PLCH1: variants seen among roughly 807,000 people sequenced by gnomAD.
The protein encoded by PLCH1 is phospholipase C eta 1.
A neutral mutation model predicts 126.7 loss-of-function variants in PLCH1; 60 were observed. That is an observed-to-expected ratio of 0.47 (90% CI 0.38 to 0.59). The LOEUF (loss-of-function observed/expected upper bound fraction) is 0.59. PLCH1 is among the 20% of genes least tolerant of loss of function. The pLI, the probability that PLCH1 is intolerant of heterozygous loss-of-function variation, is 0.00. For missense variants in PLCH1, 1,723 were observed against 2,040.0 expected, an observed-to-expected ratio of 0.84 and a Z score of 2.99; for synonymous variants, 719 against 734.9, an observed-to-expected ratio of 0.98 and a Z score of 0.35.
At chr3:155,735,060 T>C (rs531597324) in intron 1 of PLCH1, among the ~76,000 whole-genome samples, 1 of 152,234 alleles carries the variant, frequency 6.6e-6, no homozygotes, top group South Asian at 2.1e-4. Context: ...ATCCTATCAT[T>C]TGCAACATGG....
chr3:155,727,391 CTTT>C (rs55862258), intron 1 of PLCH1, among the ~76,000 whole-genome samples: 107 of 141,642 alleles, frequency 7.6e-4, no homozygotes, highest in African/African-American at 2.7e-3. Context: ...GTACGAAATC[CTTT>C]TTTTTTTTTT....
At chr3:155,524,243 T>C (rs1721608205) in intron 10 of PLCH1, among the ~76,000 whole-genome samples, 1 of 152,224 alleles carries the variant, frequency 6.6e-6, no homozygotes, top group Non-Finnish European at 1.5e-5. Flanking sequence ...TATTGTATGA[T>C]TCCATTTATA....
intron 2 of PLCH1, chr3:155,658,034 T>C (rs944811485): frequency 7.3e-5 from 15 of 204,224 alleles, no homozygotes; most frequent in Non-Finnish European, 1.2e-4. Context: ...AAGGAAAAGG[T>C]TCATGCAACT....
intron 12 of PLCH1, among the ~76,000 whole-genome samples, chr3:155,512,015 G>A (rs1172658676): frequency 6.6e-6 from 1 of 151,428 alleles, no homozygotes; most frequent in African/African-American, 2.4e-5. Flanking sequence ...TTCCGTGGGC[G>A]TAGGACCCTC....
intron 2 of PLCH1, among the ~76,000 whole-genome samples, chr3:155,669,336 T>C (rs1156499417): frequency 6.6e-6 from 1 of 152,150 alleles, no homozygotes; most frequent in African/African-American, 2.4e-5. Context: ...CCCAGCATTC[T>C]GGGAGGCTAA....
chr3:155,633,838 T>A (rs956379783), intron 2 of PLCH1, among the ~76,000 whole-genome samples: 1 of 152,154 alleles, frequency 6.6e-6, no homozygotes, highest in African/African-American at 2.4e-5. Context: ...GAGAACCACT[T>A]GAAGCCAGTA....
intron 1 of PLCH1, among the ~76,000 whole-genome samples, chr3:155,730,772 C>T (rs1748711664): frequency 6.6e-6 from 1 of 152,190 alleles, no homozygotes; most frequent in South Asian, 2.1e-4. Flanking sequence ...TAAGAAACCA[C>T]ATTGAAAAGG....
intron 2 of PLCH1, among the ~76,000 whole-genome samples, chr3:155,607,280 G>C (rs1734484224): frequency 6.6e-6 from 1 of 152,040 alleles, no homozygotes; most frequent in Non-Finnish European, 1.5e-5. Flanking sequence ...CTGTTTGTCT[G>C]TGTATTTATA....
At position 155,735,509 on chromosome 3, in the gene PLCH1, C is replaced by T. The variant is rs565220880; in HGVS notation, c.-41+9331G>A. Reference sequence around the variant, plus strand: ...ATTAGCCGGGCGTGGTGGCAGGCACCTGTAATCCCAGCTACTTGGGAGGCT... The same window carrying T: ...ATTAGCCGGGCGTGGTGGCAGGCACTTGTAATCCCAGCTACTTGGGAGGCT... On this transcript the variant is annotated intron_variant, in intron 1 of 22. Transcript: ENST00000460012. Among the ~76,000 whole-genome samples the T allele has an allele frequency of 1.8e-3, 274 of 151,994 alleles. 1 individual carries two copies. The highest frequency in any genetic ancestry group is 6.4e-3 in the African/African-American group (266 of 41,468).
In PLCH1 at chr3:155,744,937, T is replaced by A. The variant is rs145647432; in HGVS notation, c.-138A>T. On this transcript the variant is annotated 5_prime_UTR_variant, in exon 1 of 23. Coordinates refer to ENST00000460012, the MANE Select transcript of PLCH1 (RefSeq NM_014996.4). ...GCTGGGGTGATGAGTTATTGGCCCC[T>A]GTGACTCCAACTCCAAACCCCTGCC... The A allele has an allele frequency of 3.3e-5, 5 of 152,544 alleles. No individual in the cohort carries two copies. The highest frequency in any genetic ancestry group is 9.6e-5 in the African/African-American group (4 of 41,556). The allele number at this position is 152,544 out of a possible 1,614,324, so 9.4% of individuals were successfully genotyped here.
chr3:155,551,099 C>T lies in PLCH1; in HGVS notation c.1191-1141G>A, dbSNP rs945829840. On this transcript the variant is annotated intron_variant, in intron 9 of 22. Coordinates refer to ENST00000460012, the MANE Select transcript of PLCH1 (RefSeq NM_014996.4). Reference sequence around the variant, plus strand: ...TGACAACCCTGAGTTGTCCTGCAGTCACATCAGGGAGTTTTAACAAGGAAT... The same window carrying T: ...TGACAACCCTGAGTTGTCCTGCAGTTACATCAGGGAGTTTTAACAAGGAAT... Among the ~76,000 whole-genome samples the T allele has an allele frequency of 2.0e-5, 3 of 152,292 alleles. No individual in the cohort carries two copies. The East Asian group carries it at 5.8e-4, about 29-fold the overall frequency.
intron 4 of PLCH1, 121 bp from the exon 5 acceptor site, chr3:155,586,315 GC>G (rs1731365914): frequency 1.1e-6 from 1 of 926,750 alleles, no homozygotes; most frequent in African/African-American, 1.7e-5. Context: ...ATTTTGAGGA[GC>G]CCCTGCAATC....
rs746804352 is a variant in PLCH1 at position 155,500,718 on chromosome 3, C to G, written c.1781G>C (p.Gly594Ala). The change falls in exon 14 of 23, where the codon GGT becomes GCT. Residue 594 changes from glycine to alanine, a missense_variant. Gly to Ala is a moderately conservative substitution (Grantham distance 60). Around this residue, in one of 2 missense-constraint regions of PLCH1, gnomAD observed 776 missense variants for 1,062.9 expected, o/e 0.73. Coordinates refer to ENST00000460012, the MANE Select transcript of PLCH1 (RefSeq NM_014996.4). ...EDTQQSTGKE[G>A]GQLYRLGRRR... ...GCTTTCTTACCTGTACAGCTGGCCA[C>G]CCTCCTTGCCAGTACTCTGCTGTGT... The G allele has an allele frequency of 8.1e-6, 13 of 1,610,042 alleles. No homozygotes were observed. The Middle Eastern group carries it at 4.9e-4, about 61-fold the overall frequency.
intron 10 of PLCH1, among the ~76,000 whole-genome samples, chr3:155,543,442 G>C (rs1307713694): frequency 6.6e-6 from 1 of 152,142 alleles, no homozygotes; most frequent in African/African-American, 2.4e-5. Flanking sequence ...GGGGAGAATG[G>C]AACCAAGTTG....
In PLCH1 at chr3:155,514,832, T is replaced by G. The variant is rs775795793; in HGVS notation, c.1523A>C (p.Glu508Ala). The G allele has an allele frequency of 1.3e-5, 21 of 1,611,690 alleles. No homozygotes were observed. Among genetic ancestry groups the G allele is most frequent in the Non-Finnish European group, 1.7e-5 (20 of 1,178,160 alleles). Residue 508 changes from glutamate to alanine, a missense_variant, in exon 12 of 23, where the codon GAG becomes GCG. Physicochemically the swap from Glu to Ala is moderately radical, Grantham distance 107. Transcript: ENST00000460012. The stretch of plus-strand genomic sequence containing the variant: ...AATTTGAGATTCTTTTAACAGTGAC[T>G]CCAGTTTTTTCCTTATGAAAGATTC... ...QVESFIRKKL[E>A]SLLKESQIRD... is the part of the protein sequence containing the mutation.
chr3:155,487,419 C>G (rs1715416112), intron 21 of PLCH1, among the ~76,000 whole-genome samples: 1 of 152,210 alleles, frequency 6.6e-6, no homozygotes, highest in Non-Finnish European at 1.5e-5. Flanking sequence ...AATTACTTGA[C>G]ATGACCAGAG....
intron 8 of PLCH1, among the ~76,000 whole-genome samples, chr3:155,562,017 A>G (rs1168300725): frequency 6.6e-6 from 1 of 152,086 alleles, no homozygotes; most frequent in Non-Finnish European, 1.5e-5. Flanking sequence ...CCTGACCTCA[A>G]GCCTCAGCCT....
chr3:155,556,586 C>T (rs529043564), intron 8 of PLCH1, among the ~76,000 whole-genome samples: 1 of 152,194 alleles, frequency 6.6e-6, no homozygotes, highest in Non-Finnish European at 1.5e-5. Flanking sequence ...TGGTCAAACA[C>T]CAGTCTATAT....
chr3:155,532,254 A>G (rs1057367135), intron 10 of PLCH1, among the ~76,000 whole-genome samples: 1 of 152,232 alleles, frequency 6.6e-6, no homozygotes, highest in Admixed American at 6.5e-5. Flanking sequence ...CTTGTGCTAC[A>G]AGAACTACTG....
Sources: allele counts gnomAD v4.1 joint callset (sites outside exome capture counted in the v4.1 genomes callset), GRCh38; gene constraint gnomAD v4.1.1; regional missense constraint gnomAD v4.1.1; transcripts MANE v1.5; gene names NCBI Gene and HGNC (gene_info 2026-07-23, HGNC 2026-07-21).